OSBPL10: variants seen among roughly 807,000 people sequenced by gnomAD.
OSBPL10 encodes the protein oxysterol binding protein like 10.
Under a neutral mutation model 81.7 loss-of-function variants are expected in OSBPL10, and 49 were observed. That is an observed-to-expected ratio of 0.60 (90% CI 0.48 to 0.76). The LOEUF is 0.76. Ranked by LOEUF, OSBPL10 falls within the 30% of genes least tolerant of loss-of-function variation. The pLI is 0.00. For synonymous variants in OSBPL10, 419 were observed against 383.6 expected (o/e 1.09, Z -1.08); for missense variants, 923 against 987.8 (o/e 0.93, Z 0.88).
At chr3:31,971,139 C>CTTTTTTTTTTTTTTT (rs56785817) in intron 1 of OSBPL10, among the ~76,000 whole-genome samples, 1 of 119,356 alleles carries the variant, frequency 8.4e-6, no homozygotes, top group Non-Finnish European at 1.7e-5. Context: ...TTTCTTTTTT[C>CTTTTTTTTTTTTTTT]TTTTTTTTTT....
intron 2 of OSBPL10, among the ~76,000 whole-genome samples, chr3:32,008,215 C>G (rs1699222907): frequency 6.7e-6 from 1 of 150,338 alleles, no homozygotes; most frequent in Admixed American, 6.6e-5. Flanking sequence ...CCGTGTTGCC[C>G]AGGCTGGAGT....
At chr3:31,748,401 G>A (rs1035044981) in intron 4 of OSBPL10, among the ~76,000 whole-genome samples, 25 of 152,274 alleles carry the variant, frequency 1.6e-4, no homozygotes, top group African/African-American at 6.0e-4. Context: ...CTGGAGGTAA[G>A]TCAATAATAA....
intron 4 of OSBPL10, among the ~76,000 whole-genome samples, chr3:31,807,374 A>AAAAAAAATAAAT (rs565295604): frequency 7.3e-6 from 1 of 137,330 alleles, no homozygotes; most frequent in African/African-American, 2.6e-5. Context: ...CTGTCTCAGA[A>AAAAAAAATAAAT]AAATAAATAA....
intron 6 of OSBPL10, among the ~76,000 whole-genome samples, chr3:31,707,739 G>A (rs1199072702): frequency 2.6e-5 from 4 of 152,174 alleles, no homozygotes; most frequent in Non-Finnish European, 4.4e-5. Flanking sequence ...GAAGTAACCA[G>A]GGAATGATGT....
At chr3:31,797,953 A>G (rs2125443102) in intron 4 of OSBPL10, 2 of 322,686 alleles carry the variant, frequency 6.2e-6, no homozygotes, top group East Asian at 1.7e-4. Context: ...AACTGAAACA[A>G]TAATAATTAT....
At chr3:31,953,370 C>A (rs1356180439) in intron 1 of OSBPL10, among the ~76,000 whole-genome samples, 1 of 151,984 alleles carries the variant, frequency 6.6e-6, no homozygotes, top group Non-Finnish European at 1.5e-5. Context: ...CCCCCACACA[C>A]ACAAAGAGTG....
At chr3:31,674,980 T>C (rs1700428415) in intron 8 of OSBPL10, among the ~76,000 whole-genome samples, 1 of 152,220 alleles carries the variant, frequency 6.6e-6, no homozygotes, top group Non-Finnish European at 1.5e-5. Flanking sequence ...ATATTAAATG[T>C]AGTTTCGTCT....
At chr3:31,944,413 G>C (rs1697635734) in intron 1 of OSBPL10, among the ~76,000 whole-genome samples, 1 of 152,102 alleles carries the variant, frequency 6.6e-6, no homozygotes, top group Non-Finnish European at 1.5e-5. Flanking sequence ...ATGTGGCCAG[G>C]CTAGATGAAC....
intron 7 of OSBPL10, among the ~76,000 whole-genome samples, chr3:31,688,188 A>G (rs571290505): frequency 6.3e-4 from 95 of 151,638 alleles, no homozygotes; most frequent in Non-Finnish European, 1.3e-3. Context: ...TCTAAAATCT[A>G]TGTAAGAGAT....
intron 2 of OSBPL10, among the ~76,000 whole-genome samples, chr3:32,023,250 C>CGAGT (rs1699374779): frequency 6.6e-6 from 1 of 152,018 alleles, no homozygotes; most frequent in Non-Finnish European, 1.5e-5. Flanking sequence ...ATCATGGGGG[C>CGAGT]GAGTCTCTCC....
intron 3 of OSBPL10, among the ~76,000 whole-genome samples, chr3:31,854,128 T>C (rs909671534): frequency 6.8e-6 from 1 of 147,908 alleles, no homozygotes; most frequent in Admixed American, 6.9e-5. Context: ...ATATACATTA[T>C]ATCTCAGTAA....
chr3:31,672,123 G>T (rs2125516668), intron 8 of OSBPL10, among the ~76,000 whole-genome samples: 1 of 152,174 alleles, frequency 6.6e-6, no homozygotes, highest in Non-Finnish European at 1.5e-5. Context: ...CCAGTGGAAA[G>T]AGTGAAGAGT....
At chr3:31,926,884 T>C (rs934286781) in intron 1 of OSBPL10, among the ~76,000 whole-genome samples, 1 of 152,012 alleles carries the variant, frequency 6.6e-6, no homozygotes, top group Non-Finnish European at 1.5e-5. Context: ...CTGAGGCAGG[T>C]GGATCACTTG....
At chr3:31,993,719 C>T (rs1699060471) in intron 2 of OSBPL10, among the ~76,000 whole-genome samples, 1 of 151,222 alleles carries the variant, frequency 6.6e-6, no homozygotes, top group Non-Finnish European at 1.5e-5. Context: ...ACTGAGGATA[C>T]CAAGTGCTGG....
intron 4 of OSBPL10, among the ~76,000 whole-genome samples, chr3:31,827,395 G>A (rs1307511208): frequency 2.6e-5 from 4 of 152,140 alleles, no homozygotes; most frequent in African/African-American, 9.7e-5. Flanking sequence ...CCAGCACTTT[G>A]GGAGGCTGAG....
chr3:31,725,596 C>G (rs2125648069), intron 6 of OSBPL10, among the ~76,000 whole-genome samples: 1 of 152,312 alleles, frequency 6.6e-6, no homozygotes, highest in Non-Finnish European at 1.5e-5. Flanking sequence ...TGTTAGATAG[C>G]AATCAAGGCC....
intron 1 of OSBPL10, 30 bp downstream of exon 1, chr3:31,980,869 G>A: frequency 6.5e-7 from 1 of 1,539,360 alleles, no homozygotes; most frequent in Non-Finnish European, 8.7e-7. Context: ...ACACAGCGGC[G>A]CGCGGTGGCG....
chr3:31,964,304 GCAC>G (rs1698251612), intron 1 of OSBPL10, among the ~76,000 whole-genome samples: 1 of 152,238 alleles, frequency 6.6e-6, no homozygotes, highest in East Asian at 1.9e-4. Flanking sequence ...CTACAGGTGT[GCAC>G]CACCACACCT....
intron 1 of OSBPL10, among the ~76,000 whole-genome samples, chr3:31,963,763 A>C (rs1235461340): frequency 6.6e-6 from 1 of 152,162 alleles, no homozygotes; most frequent in Non-Finnish European, 1.5e-5. Flanking sequence ...TTTGTTCCAT[A>C]GTCATGAAAT....
Sources: gnomAD v4.1 joint callset for allele counts (sites outside exome capture counted in the v4.1 genomes callset) on GRCh38, gnomAD v4.1.1 for gene constraint, MANE v1.5 for transcripts, NCBI Gene and HGNC (gene_info 2026-07-23, HGNC 2026-07-21) for gene names.